The following TCF20 variants were observed in gnomAD, a reference collection of about 807,000 sequenced individuals.
TCF20 encodes the protein SPRE-binding protein.
In TCF20, 3 loss-of-function variants were observed where a neutral mutation model predicts 148.6. That is an observed-to-expected ratio of 0.02 (90% CI 0.01 to 0.05). The LOEUF is 0.05. Ranked by LOEUF, TCF20 falls within the 10% of genes least tolerant of loss-of-function variation. The pLI is 1.00. For missense variants in TCF20, 2,350 were observed against 2,429.3 expected (o/e 0.97, Z 0.69); for synonymous variants, 1,049 against 909.5 (o/e 1.15, Z -2.76).
intron 5 of TCF20, among the ~76,000 whole-genome samples, chr22:42,164,881 A>G (rs1731151287): frequency 6.6e-6 from 1 of 152,176 alleles, no homozygotes; most frequent in African/African-American, 2.4e-5. Context: ...AGAGGAAGGA[A>G]GCCTGGTCCC....
At chr22:42,215,371 C>T in intron 1 of TCF20, 30 bp from the exon 2 acceptor site, 3 of 1,533,592 alleles carry the variant, frequency 2.0e-6, no homozygotes, top group South Asian at 2.6e-5. Context: ...AAACATTAGA[C>T]ACGCATCTCC....
rs76585242 is a variant in TCF20 at position 42,303,428 on chromosome 22, G to A, written c.-37+40051C>T. On this transcript the variant is annotated intron_variant, in intron 1 of 1. Coordinates refer to the TCF20 transcript ENST00000515426. ...ATCCTAGTGGACACTCCGAGCGTTC[G>A]CTCGGTGCAGGGCAGGGATCCAGGC... is the stretch of plus-strand genomic sequence containing the variant. Among the ~76,000 whole-genome samples, 237 of 152,372 alleles carry A rather than the reference G, an allele frequency of 1.6e-3. 3 individuals carry two copies. The East Asian group carries it at 0.024, about 15-fold the overall frequency.
chr22:42,218,575 A>C (rs937623118), intron 1 of TCF20, among the ~76,000 whole-genome samples: 9 of 152,214 alleles, frequency 5.9e-5, no homozygotes, highest in African/African-American at 2.2e-4. Flanking sequence ...ACTAATGAAA[A>C]GCCTTCTCAA....
chr22:42,251,471 T>C (rs1184357120), intron 1 of TCF20, among the ~76,000 whole-genome samples: 1 of 150,116 alleles, frequency 6.7e-6, no homozygotes, highest in Non-Finnish European at 1.5e-5. Context: ...TGTGAGACTC[T>C]GTACCTGGCC....
chr22:42,267,786 A>G (rs980434531), intron 1 of TCF20, among the ~76,000 whole-genome samples: 4 of 152,220 alleles, frequency 2.6e-5, no homozygotes, highest in African/African-American at 9.6e-5. Context: ...CTCCGAAGTC[A>G]ATAATTATAA....
At chr22:42,267,443 C>T (rs1006072286) in intron 1 of TCF20, among the ~76,000 whole-genome samples, 6 of 152,164 alleles carry the variant, frequency 3.9e-5, no homozygotes, top group Non-Finnish European at 4.4e-5. Context: ...TGGCTCATAC[C>T]TGTAATCCCA....
At chr22:42,301,929 G>A (rs889038068) in intron 1 of TCF20, among the ~76,000 whole-genome samples, 2 of 152,226 alleles carry the variant, frequency 1.3e-5, no homozygotes, top group Admixed American at 1.3e-4. Flanking sequence ...CTGGATTCCG[G>A]GCCCAGGGCT....
intron 1 of TCF20, among the ~76,000 whole-genome samples, chr22:42,230,183 A>G (rs575591253): frequency 6.6e-6 from 1 of 152,344 alleles, no homozygotes; most frequent in South Asian, 2.1e-4. Flanking sequence ...AGCAATAAAA[A>G]TAGTCACGTG....
intron 2 of TCF20, among the ~76,000 whole-genome samples, chr22:42,191,712 A>G (rs751625773): frequency 6.6e-5 from 10 of 152,196 alleles, no homozygotes; most frequent in Non-Finnish European, 1.3e-4. Context: ...TGTCTAACGG[A>G]GTTTTTCCTA....
chr22:42,185,806 T>A (rs748889475), intron 2 of TCF20, among the ~76,000 whole-genome samples: 10 of 152,224 alleles, frequency 6.6e-5, no homozygotes, highest in Non-Finnish European at 1.2e-4. Flanking sequence ...GAAAAGCTCA[T>A]GAGACTGGCT....
At chr22:42,179,088 C>CT in intron 3 of TCF20, among the ~76,000 whole-genome samples, 1 of 149,482 alleles carries the variant, frequency 6.7e-6, no homozygotes, top group East Asian at 2.0e-4. Context: ...CAGGGAGGAC[C>CT]TGGGGAAAGG....
intron 2 of TCF20, among the ~76,000 whole-genome samples, chr22:42,190,253 G>A (rs1228508912): frequency 4.6e-5 from 7 of 152,156 alleles, no homozygotes; most frequent in African/African-American, 1.7e-4. Context: ...GAGGCCAGGA[G>A]TTCAAGATTA....
At chr22:42,174,651 G>A (rs1334826701) in intron 3 of TCF20, among the ~76,000 whole-genome samples, 1 of 152,190 alleles carries the variant, frequency 6.6e-6, no homozygotes, top group Non-Finnish European at 1.5e-5. Flanking sequence ...CAGCTAGTTG[G>A]GAGGATCGCT....
intron 1 of TCF20, among the ~76,000 whole-genome samples, chr22:42,248,574 T>C (rs1399875678): frequency 1.3e-5 from 2 of 152,186 alleles, no homozygotes; most frequent in African/African-American, 4.8e-5. Context: ...ATCTAAACAC[T>C]AGATTTAGCA....
chr22:42,311,211 TCCCTGCGGGGCTGGCGA>T (rs956090036), intron 1 of TCF20, among the ~76,000 whole-genome samples: 2 of 152,080 alleles, frequency 1.3e-5, no homozygotes, highest in African/African-American at 4.8e-5. Context: ...TGGGCAGGGG[TCCCTGCGGGGCTGGCGA>T]CTGGGACCTG....
chr22:42,308,156 G>A (rs1361291996), intron 1 of TCF20, among the ~76,000 whole-genome samples: 1 of 152,088 alleles, frequency 6.6e-6, no homozygotes, highest in Non-Finnish European at 1.5e-5. Flanking sequence ...TGGAGCCCTG[G>A]TCTGGTAGCT....
At chr22:42,312,760 G>A (rs373251881) in intron 1 of TCF20, among the ~76,000 whole-genome samples, 43 of 152,116 alleles carry the variant, frequency 2.8e-4, no homozygotes, top group African/African-American at 1.0e-3. Flanking sequence ...CCTTCATGAA[G>A]AGCCAGGAGC....
chr22:42,283,478 C>T (rs1926956468), intron 1 of TCF20, among the ~76,000 whole-genome samples: 1 of 152,138 alleles, frequency 6.6e-6, no homozygotes, highest in African/African-American at 2.4e-5. Flanking sequence ...CCCTTCACGC[C>T]CCTGCTGCTG....
chr22:42,291,681 C>A (rs1215563363), intron 1 of TCF20, among the ~76,000 whole-genome samples: 2 of 152,120 alleles, frequency 1.3e-5, no homozygotes, highest in African/African-American at 4.8e-5. Context: ...GGGTGCTGGG[C>A]AGGACTGCTG....
Sources: allele counts gnomAD v4.1 joint callset (sites outside exome capture counted in the v4.1 genomes callset), GRCh38; gene constraint gnomAD v4.1.1; transcripts MANE v1.5; gene names NCBI Gene and HGNC (gene_info 2026-07-23, HGNC 2026-07-21).